The following TRAPPC13 variants were observed in gnomAD, a reference collection of about 807,000 sequenced individuals.
TRAPPC13 encodes the protein REV7-interacting novel NHEJ regulator 1.
TRAPPC13 carries 39 observed loss-of-function variants against 54.0 expected under a neutral mutation model. The ratio of observed to expected loss-of-function variants is 0.72; its 90% CI spans 0.56 to 0.94. The LOEUF is 0.94. Among genes scored for constraint, TRAPPC13 ranks in the 40% least tolerant of loss-of-function variants. The pLI, the probability that TRAPPC13 is intolerant of heterozygous loss-of-function variation, is 0.00. For synonymous variants in TRAPPC13, 148 were observed against 167.7 expected, an observed-to-expected ratio of 0.88 and a Z score of 0.91; for missense variants, 386 against 488.1, an observed-to-expected ratio of 0.79 and a Z score of 1.97.
intron 4 of TRAPPC13, among the ~76,000 whole-genome samples, chr5:65,641,785 T>C (rs1755975843): frequency 6.6e-6 from 1 of 151,024 alleles, no homozygotes. Context: ...TACCTATTCT[T>C]TGAACGATTT....
intron 4 of TRAPPC13, among the ~76,000 whole-genome samples, chr5:65,643,548 G>T (rs1444787076): frequency 1.3e-5 from 2 of 151,964 alleles, no homozygotes; most frequent in Admixed American, 6.6e-5. Flanking sequence ...GCTGGGTGGG[G>T]TGGCTCATGC....
chr5:65,627,898 A>G (rs1237561902), intron 1 of TRAPPC13, among the ~76,000 whole-genome samples: 2 of 152,202 alleles, frequency 1.3e-5, no homozygotes, highest in African/African-American at 4.8e-5. Context: ...TATTTCTTCT[A>G]ACTCTTCAGA....
chr5:65,637,854 C>A, intron 4 of TRAPPC13, 74 bp downstream of exon 4: 2 of 785,768 alleles, frequency 2.5e-6, no homozygotes, highest in Non-Finnish European at 2.0e-6. Flanking sequence ...CATGGTGGCT[C>A]ATGCCTGTAA....
At chr5:65,656,627 G>T (rs1756661343) in intron 8 of TRAPPC13, among the ~76,000 whole-genome samples, 1 of 152,100 alleles carries the variant, frequency 6.6e-6, no homozygotes, top group Non-Finnish European at 1.5e-5. Context: ...AAAAAGCTCA[G>T]CCAGGCGCGG....
chr5:65,663,836 A>C (rs984162922), intron 11 of TRAPPC13: 3 of 159,028 alleles, frequency 1.9e-5, no homozygotes, highest in African/African-American at 7.2e-5. Flanking sequence ...CAAAAGGACT[A>C]GACCAGAATC....
chr5:65,629,765 A>G (rs772057539), intron 1 of TRAPPC13: 141 of 1,535,972 alleles, frequency 9.2e-5, no homozygotes, highest in Non-Finnish European at 1.2e-4. Context: ...ACCACCTGTG[A>G]TTTCTGAAGA....
intron 1 of TRAPPC13, chr5:65,629,952 A>C: frequency 6.5e-7 from 1 of 1,536,114 alleles, no homozygotes; most frequent in Non-Finnish European, 8.7e-7. Context: ...AAACAATCAG[A>C]AAAGGGAAAA....
intron 10 of TRAPPC13, 24 bp from the exon 11 acceptor site, chr5:65,662,026 T>C: frequency 1.3e-6 from 2 of 1,558,388 alleles, no homozygotes; most frequent in Non-Finnish European, 1.7e-6. Context: ...AGATATACAT[T>C]AACTGTGTTG....
At chr5:65,641,255 A>T (rs1229101083) in intron 4 of TRAPPC13, among the ~76,000 whole-genome samples, 1 of 152,186 alleles carries the variant, frequency 6.6e-6, no homozygotes, top group Non-Finnish European at 1.5e-5. Flanking sequence ...TTGTGACATC[A>T]GAATCACTTA....
chr5:65,657,531 TAAATC>T (rs933852287), intron 8 of TRAPPC13, among the ~76,000 whole-genome samples: 3 of 152,200 alleles, frequency 2.0e-5, no homozygotes, highest in Non-Finnish European at 2.9e-5. Context: ...GTTTCAAAGA[TAAATC>T]AAGTTAGTCT....
rs374771821 is a variant in TRAPPC13, at chr5:65,640,327, A to G, written c.300+2547A>G. The stretch of plus-strand genomic sequence containing the variant: ...CAAGGCAGGAAGATTGCTTCAGGCT[A>G]CGAGTTTGAGACCAGCCTACACAAC... On this transcript the variant is annotated intron_variant, in intron 4 of 12. Transcript: ENST00000399438. 2.3e-3 allele frequency among the ~76,000 whole-genome samples: 345 copies of G among 152,336 alleles called. 2 individuals are homozygous for G. Among genetic ancestry groups the G allele is most frequent in the African/African-American group, 7.9e-3 (330 of 41,580 alleles).
At chr5:65,646,866 G>A (rs1756229900) in intron 4 of TRAPPC13, among the ~76,000 whole-genome samples, 189 bp from the exon 5 acceptor site, 1 of 151,770 alleles carries the variant, frequency 6.6e-6, no homozygotes, top group South Asian at 2.1e-4. Flanking sequence ...TGGGGTTGGG[G>A]GGGTGTGCCA....
At chr5:65,630,149 C>T in intron 1 of TRAPPC13, 2 of 1,536,048 alleles carry the variant, frequency 1.3e-6, no homozygotes, top group Non-Finnish European at 1.7e-6. Flanking sequence ...TTGGACAAAA[C>T]TCAATCAAAT....
At chr5:65,627,925 A>G (rs529964667) in intron 1 of TRAPPC13, among the ~76,000 whole-genome samples, 2 of 152,214 alleles carry the variant, frequency 1.3e-5, no homozygotes, top group Admixed American at 6.5e-5. Flanking sequence ...CAGTGATTCT[A>G]TTGTGAAATG....
At chr5:65,643,773 T>C (rs1000580566) in intron 4 of TRAPPC13, among the ~76,000 whole-genome samples, 223 of 140,002 alleles carry the variant, frequency 1.6e-3, no homozygotes, top group Non-Finnish European at 2.7e-3. Context: ...GCCGAGATCG[T>C]GCCACTGCAC....
chr5:65,643,689 C>T (rs59232566), intron 4 of TRAPPC13, among the ~76,000 whole-genome samples: 4,965 of 151,492 alleles, frequency 0.033, 273 homozygotes, highest in African/African-American at 0.11. Flanking sequence ...TGATGGCGGG[C>T]GCCTGTAGTC....
At chr5:65,652,694 A>G (rs1055746517) in intron 7 of TRAPPC13, 149 bp downstream of exon 7, 2 of 708,692 alleles carry the variant, frequency 2.8e-6, no homozygotes, top group Non-Finnish European at 5.2e-6. Flanking sequence ...TTAAAATTGA[A>G]TAATTTTATT....
intron 9 of TRAPPC13, among the ~76,000 whole-genome samples, chr5:65,658,716 A>C (rs1756742489): frequency 6.7e-6 from 1 of 150,102 alleles, no homozygotes; most frequent in African/African-American, 2.4e-5. Context: ...TTTTATTTTT[A>C]TTTTTATTTA....
At chr5:65,629,914 G>A in intron 1 of TRAPPC13, 1 of 1,536,062 alleles carries the variant, frequency 6.5e-7, no homozygotes. Flanking sequence ...ACACACTGAA[G>A]GAACAGACTA....
Sources: gnomAD v4.1 joint callset for allele counts (sites outside exome capture counted in the v4.1 genomes callset) on GRCh38, gnomAD v4.1.1 for gene constraint, MANE v1.5 for transcripts, NCBI Gene and HGNC (gene_info 2026-07-23, HGNC 2026-07-21) for gene names.